The following CDH4 variants were observed in gnomAD, a reference collection of about 807,000 sequenced individuals.
CDH4 encodes the protein cadherin 4, also known as cadherin-4.
A neutral mutation model predicts 86.0 loss-of-function variants in CDH4; 33 were observed. The observed-to-expected ratio is 0.38, with a 90% confidence interval of 0.29 to 0.51. CDH4 has a LOEUF of 0.51. Among genes scored for constraint, CDH4 ranks in the 20% least tolerant of loss-of-function variants. The pLI, the probability that CDH4 is intolerant of heterozygous loss-of-function variation, is 0.86. For synonymous variants in CDH4, 555 were observed against 549.4 expected (o/e 1.01, Z -0.14); for missense variants, 1,114 against 1,307.4 (o/e 0.85, Z 2.28).
chr20:61,448,980 G>A (rs1283759611), intron 2 of CDH4, among the ~76,000 whole-genome samples: 1 of 152,194 alleles, frequency 6.6e-6, no homozygotes, highest in Non-Finnish European at 1.5e-5. Flanking sequence ...AAGTTAAGGG[G>A]CTGCTGGGTC....
chr20:61,271,688 T>C (rs1478526647), intron 2 of CDH4, among the ~76,000 whole-genome samples: 1 of 152,162 alleles, frequency 6.6e-6, no homozygotes, highest in Admixed American at 6.5e-5. Flanking sequence ...CAGAATTTGA[T>C]TTTTCCACCC....
chr20:61,489,967 T>G (rs1050742350), intron 2 of CDH4, among the ~76,000 whole-genome samples: 1 of 152,222 alleles, frequency 6.6e-6, no homozygotes, highest in African/African-American at 2.4e-5. Context: ...AGTTGTATTT[T>G]TTTTTAAATT....
chr20:61,916,282 G>A (rs1228357681), intron 9 of CDH4, among the ~76,000 whole-genome samples: 1 of 152,138 alleles, frequency 6.6e-6, no homozygotes, highest in Non-Finnish European at 1.5e-5. Flanking sequence ...GTATCTTGAG[G>A]GCATCTGTTC....
intron 2 of CDH4, among the ~76,000 whole-genome samples, chr20:61,441,171 G>A (rs899071348): frequency 3.3e-5 from 5 of 152,194 alleles, no homozygotes; most frequent in South Asian, 2.1e-4. Context: ...GAAACACAGC[G>A]TCCAACACCG....
chr20:61,596,282 G>T (rs190443614), intron 2 of CDH4, among the ~76,000 whole-genome samples: 7 of 152,370 alleles, frequency 4.6e-5, no homozygotes, highest in African/African-American at 1.7e-4. Flanking sequence ...CTTCTGAAAG[G>T]CATCTTGGGT....
In CDH4 at chr20:61,480,969, T is replaced by C. The variant is rs73915066; in HGVS notation, c.169+226032T>C. On this transcript the variant is annotated intron_variant, in intron 2 of 15. Coordinates refer to ENST00000614565, the MANE Select transcript of CDH4 (RefSeq NM_001794.5). This position sits in a 1 kb window ranked among gnomAD's most constrained non-coding sequence, Gnocchi z 5.2. ...AGTGTGTCCACGTTGATGATTCTGC[T>C]TGGTAGTCAGATGACATCCATGAGA... Among the ~76,000 whole-genome samples the C allele has an allele frequency of 6.6e-6, 1 of 152,182 alleles. No individual in the cohort carries two copies. Among genetic ancestry groups the C allele is most frequent in the Non-Finnish European group, 1.5e-5 (1 of 68,038 alleles).
intron 9 of CDH4, among the ~76,000 whole-genome samples, chr20:61,914,417 G>T (rs943322230): frequency 3.3e-5 from 5 of 151,612 alleles, no homozygotes; most frequent in Admixed American, 1.3e-4. Context: ...TTTAAATATT[G>T]AAGTCCTCAA....
At chr20:61,546,625 C>T (rs1407922139) in intron 2 of CDH4, among the ~76,000 whole-genome samples, 2 of 151,738 alleles carry the variant, frequency 1.3e-5, no homozygotes, top group African/African-American at 4.8e-5. Context: ...AATAGACAAG[C>T]AGATATGAAA....
intron 2 of CDH4, among the ~76,000 whole-genome samples, chr20:61,604,645 G>A (rs541800198): frequency 6.6e-6 from 1 of 152,270 alleles, no homozygotes; most frequent in East Asian, 1.9e-4. Context: ...TGTTCTTACT[G>A]ACGCACTCCT....
chr20:61,919,626 GT>G (rs2054944170), intron 9 of CDH4, among the ~76,000 whole-genome samples: 1 of 152,374 alleles, frequency 6.6e-6, no homozygotes, highest in East Asian at 1.9e-4. Flanking sequence ...CAGCAGATAA[GT>G]TCCTCTCTAA....
intron 2 of CDH4, among the ~76,000 whole-genome samples, chr20:61,300,063 T>G (rs1415971124): frequency 1.3e-5 from 2 of 152,096 alleles, no homozygotes; most frequent in African/African-American, 4.8e-5. Context: ...ATGAAGAGAC[T>G]CTTCTGCACG....
chr20:61,440,849 A>C (rs2085311576), intron 2 of CDH4, among the ~76,000 whole-genome samples: 1 of 152,192 alleles, frequency 6.6e-6, no homozygotes. Flanking sequence ...TGGCAATCAC[A>C]TCAGGTGTCT....
intron 2 of CDH4, chr20:61,434,972 A>G (rs1297038480): frequency 1.3e-5 from 2 of 152,186 alleles, no homozygotes; most frequent in Admixed American, 1.3e-4. Context: ...GGACTCCATC[A>G]TGATGTAAAG....
At chr20:61,701,568 C>T (rs941996694) in intron 2 of CDH4, among the ~76,000 whole-genome samples, 1 of 152,214 alleles carries the variant, frequency 6.6e-6, no homozygotes, top group Admixed American at 6.5e-5. Context: ...TTCGGGTCCT[C>T]ATGGGAGTGG....
chr20:61,565,366 G>GTGA lies in CDH4; in HGVS notation c.170-178195_170-178194insATG, dbSNP rs1568689213. On this transcript the variant is annotated intron_variant, in intron 2 of 15. Coordinates refer to ENST00000614565, the MANE Select transcript of CDH4 (RefSeq NM_001794.5). ...TGGTCCTCTTGGTGATGGGGTGATG[G>GTGA]TGGTGGTGGTCCTCTTGGTGATGGG... is the stretch of plus-strand genomic sequence containing the variant. Among the ~76,000 whole-genome samples, 154 of 39,636 alleles carry GTGA rather than the reference G, an allele frequency of 3.9e-3. 35 individuals carry two copies. The highest frequency in any genetic ancestry group is 3.0e-3 in the Non-Finnish European group (69 of 23,222). The allele number at this position is 39,636 out of a possible 152,430, so 26.0% of individuals were successfully genotyped here. A position where few individuals can be genotyped will look rare whatever the true frequency, so the allele number is the denominator to read the frequency against.
intron 2 of CDH4, among the ~76,000 whole-genome samples, chr20:61,536,086 G>A (rs6061275): frequency 0.051 from 7,804 of 152,236 alleles, 678 homozygotes; most frequent in African/African-American, 0.18. Flanking sequence ...CCATGGGAAT[G>A]GCCCAGTGAG....
At chr20:61,933,377 CTGCCCTG>C (rs907019807) in intron 14 of CDH4, among the ~76,000 whole-genome samples, 7 of 152,222 alleles carry the variant, frequency 4.6e-5, no homozygotes, top group Admixed American at 1.3e-4. Context: ...CAGCCCAGTG[CTGCCCTG>C]TGCCCTGGAG....
At chr20:61,278,813 A>G (rs2084243494) in intron 2 of CDH4, among the ~76,000 whole-genome samples, 1 of 152,224 alleles carries the variant, frequency 6.6e-6, no homozygotes, top group Admixed American at 6.5e-5. Flanking sequence ...GCAGCCTCAC[A>G]GCAGTCAGGC....
intron 4 of CDH4, among the ~76,000 whole-genome samples, chr20:61,820,028 C>T (rs1254701154): frequency 6.6e-6 from 1 of 152,226 alleles, no homozygotes; most frequent in Non-Finnish European, 1.5e-5. Flanking sequence ...CGTGTCTGGC[C>T]ACTTCCTCCT....
Sources: gnomAD v4.1 joint callset for allele counts (sites outside exome capture counted in the v4.1 genomes callset) on GRCh38, gnomAD v4.1.1 for gene constraint, Gnocchi (gnomAD v3.1) non-coding constraint, MANE v1.5 for transcripts, NCBI Gene and HGNC (gene_info 2026-07-23, HGNC 2026-07-21) for gene names.